SLC24A3: variants seen among roughly 807,000 people sequenced by gnomAD.
SLC24A3 encodes the protein sodium/potassium/calcium exchanger 3.
Under a neutral mutation model 75.8 loss-of-function variants are expected in SLC24A3, and 28 were observed. The observed-to-expected ratio is 0.37, with a 90% CI of 0.27 to 0.51. The LOEUF (loss-of-function observed/expected upper bound fraction) is 0.51, where lower values mean the gene tolerates loss of function less well. Ranked by LOEUF, SLC24A3 falls within the 20% of genes least tolerant of loss-of-function variation. The pLI is 0.94. For missense variants in SLC24A3, 663 were observed against 847.8 expected (o/e 0.78, Z 2.71); for synonymous variants, 372 against 334.1 (o/e 1.11, Z -1.24).
chr20:19,356,239 C>T (rs761354834), intron 2 of SLC24A3, among the ~76,000 whole-genome samples: 3 of 152,218 alleles, frequency 2.0e-5, no homozygotes, highest in Non-Finnish European at 4.4e-5. Context: ...AAACTGTTTG[C>T]AAATGTATTT....
intron 6 of SLC24A3, among the ~76,000 whole-genome samples, chr20:19,597,983 A>C (rs1029452937): frequency 2.6e-5 from 4 of 152,136 alleles, no homozygotes; most frequent in African/African-American, 9.7e-5. Context: ...GTGGAGACTT[A>C]GGTTGATTCT....
intron 1 of SLC24A3, among the ~76,000 whole-genome samples, chr20:19,233,451 T>C (rs192543649): frequency 7.1e-4 from 108 of 152,340 alleles, no homozygotes; most frequent in African/African-American, 1.3e-3. Context: ...CCGTGATGGC[T>C]CTTTCACCTT....
chr20:19,707,002 C>G (rs934193064), intron 15 of SLC24A3, among the ~76,000 whole-genome samples: 7 of 152,108 alleles, frequency 4.6e-5, no homozygotes, highest in African/African-American at 1.4e-4. Context: ...TGAGTCTGCT[C>G]CATGTGCCTC....
chr20:19,608,111 C>G (rs1421942890), intron 6 of SLC24A3, among the ~76,000 whole-genome samples: 2 of 152,238 alleles, frequency 1.3e-5, no homozygotes, highest in South Asian at 2.1e-4. Flanking sequence ...CTGCAAGAAG[C>G]CTTCCCTGGT....
intron 1 of SLC24A3, among the ~76,000 whole-genome samples, chr20:19,238,789 C>T (rs556621034): frequency 5.9e-5 from 9 of 152,268 alleles, no homozygotes; most frequent in South Asian, 2.1e-4. Context: ...CAAGACACAC[C>T]GAAGACACAC....
rs1419217660 is a variant in SLC24A3, at chr20:19,722,295, C to G, written c.*1155C>G. On this transcript the variant is annotated 3_prime_UTR_variant, in exon 17 of 17. Coordinates refer to ENST00000328041, the MANE Select transcript of SLC24A3 (RefSeq NM_020689.4). ...CCCTGACCACTGGCTCTTGGGCAAA[C>G]GTCCTTCCTCACGGGGCGCCTCCGC... 1 of 152,766 alleles carries G rather than the reference C, an allele frequency of 6.5e-6. No individual in the cohort carries two copies. Among genetic ancestry groups the G allele is most frequent in the African/African-American group, 2.4e-5 (1 of 41,460 alleles). 9.5% of individuals were successfully genotyped at this position (152,766 alleles called of 1,614,324 possible).
At position 19,593,368 on chromosome 20, in the gene SLC24A3, A is replaced by G. The variant is rs370074692; in HGVS notation, c.612+7824A>G. 3.9e-5 allele frequency among the ~76,000 whole-genome samples: 6 copies of G among 152,348 alleles called. No homozygotes were observed. In the East Asian group the frequency reaches 5.8e-4, roughly 15 times the overall value. Reference sequence around the variant, plus strand: ...ATCCAGGCCCCTCTGCCCCGCAAGTAGCTGAACCTGAGTTGAAGGTTAAGT... The same window carrying G: ...ATCCAGGCCCCTCTGCCCCGCAAGTGGCTGAACCTGAGTTGAAGGTTAAGT... On this transcript the variant is annotated intron_variant, in intron 6 of 16. Transcript: ENST00000328041.
Position 19,424,866 on chromosome 20 carries a change from C to T in SLC24A3, c.272-90622C>T, listed in dbSNP as rs528842797. On this transcript the variant is annotated intron_variant, in intron 2 of 16. Coordinates refer to ENST00000328041, the MANE Select transcript of SLC24A3 (RefSeq NM_020689.4). ...AATTGAACACTGAAAATATATTGAACGTATTATTTGACACTCATTCTATAG... is the reference window on the plus strand; with the variant it reads ...AATTGAACACTGAAAATATATTGAATGTATTATTTGACACTCATTCTATAG... Among the ~76,000 whole-genome samples the T allele has an allele frequency of 4.5e-4, 67 of 150,262 alleles. No homozygotes were observed. In the South Asian group the frequency reaches 8.6e-3, roughly 19 times the overall value.
At chr20:19,398,211 A>C (rs73126900) in intron 2 of SLC24A3, among the ~76,000 whole-genome samples, 4,121 of 152,180 alleles carry the variant, frequency 0.027, 95 homozygotes, top group Middle Eastern at 0.085. Flanking sequence ...TTCTTCTTTA[A>C]AAAAGACTGT....
chr20:19,474,036 G>C (rs771008134), intron 2 of SLC24A3, among the ~76,000 whole-genome samples: 1 of 152,222 alleles, frequency 6.6e-6, no homozygotes, highest in Non-Finnish European at 1.5e-5. Flanking sequence ...TAAACTGTCG[G>C]AGGAGATGTT....
chr20:19,369,202 C>T (rs1985948282), intron 2 of SLC24A3, among the ~76,000 whole-genome samples: 1 of 152,210 alleles, frequency 6.6e-6, no homozygotes, highest in Non-Finnish European at 1.5e-5. Flanking sequence ...AACCTGGCCG[C>T]CTCCCCTAAC....
intron 9 of SLC24A3, among the ~76,000 whole-genome samples, chr20:19,677,686 CTTTTTTTT>C (rs796484728): frequency 2.6e-5 from 3 of 113,934 alleles, no homozygotes; most frequent in African/African-American, 6.7e-5. Context: ...TTTTTTTTTT[CTTTTTTTT>C]TTTTTTTTTT....
At chr20:19,379,170 C>T (rs755499561) in intron 2 of SLC24A3, among the ~76,000 whole-genome samples, 1 of 152,144 alleles carries the variant, frequency 6.6e-6, no homozygotes. Context: ...CTGATTTCAT[C>T]ATATGTCCTG....
At chr20:19,588,905 G>T (rs1012167373) in intron 6 of SLC24A3, among the ~76,000 whole-genome samples, 5 of 152,240 alleles carry the variant, frequency 3.3e-5, no homozygotes, top group Non-Finnish European at 7.3e-5. Flanking sequence ...CAGGCCGGCA[G>T]ATGGCTCTAG....
intron 2 of SLC24A3, among the ~76,000 whole-genome samples, chr20:19,324,917 A>G (rs116715775): frequency 9.8e-4 from 149 of 152,162 alleles, no homozygotes; most frequent in African/African-American, 3.4e-3. Flanking sequence ...CAAAAATCCA[A>G]TGTCTTCACT....
chr20:19,636,640 T>C (rs1310401510), intron 6 of SLC24A3, among the ~76,000 whole-genome samples: 2 of 152,030 alleles, frequency 1.3e-5, no homozygotes, highest in Non-Finnish European at 2.9e-5. Flanking sequence ...CCTATTTACC[T>C]CCACAGAGCC....
At chr20:19,487,149 T>C (rs1431624849) in intron 2 of SLC24A3, among the ~76,000 whole-genome samples, 1 of 152,240 alleles carries the variant, frequency 6.6e-6, no homozygotes, top group Non-Finnish European at 1.5e-5. Flanking sequence ...CTTATGACTC[T>C]TCTTTAGCGT....
intron 2 of SLC24A3, among the ~76,000 whole-genome samples, chr20:19,454,538 G>A (rs778306030): frequency 6.6e-5 from 10 of 152,132 alleles, no homozygotes; most frequent in Admixed American, 2.6e-4. Context: ...CCAGGCTTGG[G>A]GGGACTCTCT....
intron 1 of SLC24A3, among the ~76,000 whole-genome samples, chr20:19,218,425 G>GCCT: frequency 6.6e-6 from 1 of 152,340 alleles, no homozygotes; most frequent in African/African-American, 2.4e-5. Context: ...GCTGCATGCT[G>GCCT]CTGCGTTTTC....
Sources: gnomAD v4.1 joint callset for allele counts (sites outside exome capture counted in the v4.1 genomes callset) on GRCh38, gnomAD v4.1.1 for gene constraint, MANE v1.5 for transcripts, NCBI Gene and HGNC (gene_info 2026-07-23, HGNC 2026-07-21) for gene names.